RBM5: variants seen among roughly 807,000 people sequenced by gnomAD.
The protein encoded by RBM5 is RNA binding motif protein 5.
A neutral mutation model predicts 124.6 loss-of-function variants in RBM5; 15 were observed. That is an observed-to-expected ratio of 0.12 (90% CI 0.08 to 0.19). The LOEUF is 0.19. Among genes scored for constraint, RBM5 ranks in the 10% least tolerant of loss-of-function variants. The pLI is 1.00. For missense variants in RBM5, 580 were observed against 1,026.5 expected (o/e 0.57, Z 5.94); for synonymous variants, 337 against 361.2 (o/e 0.93, Z 0.76).
intron 1 of RBM5, chr3:50,089,785 T>G (rs2090670879): frequency 6.5e-6 from 1 of 153,654 alleles, no homozygotes; most frequent in Non-Finnish European, 1.4e-5. Flanking sequence ...TGTTCACTAC[T>G]CAGTGGTTTG....
chr3:50,108,142 G>A lies in RBM5; in HGVS notation c.1114G>A (p.Ala372Thr). 2 of 1,609,278 alleles carry A rather than the reference G, an allele frequency of 1.2e-6. No homozygotes were observed. Among genetic ancestry groups the A allele is most frequent in the Non-Finnish European group, 1.7e-6 (2 of 1,175,576 alleles). ...AGGTCAAGATGGCTATGCCCAATAT[G>A]CTCAGGTAGGTAGATTTTAGCAGCA... is the stretch of plus-strand genomic sequence containing the variant. ...QPGQDGYAQYAQYSQDYQQFY... is the reference protein window; with the variant it reads ...QPGQDGYAQYTQYSQDYQQFY... Residue 372 changes from alanine (A) to threonine (T), a missense_variant, in exon 13 of 25, where the codon GCT (alanine) becomes ACT (threonine). Around this residue, in one of 6 missense-constraint regions of RBM5, gnomAD observed 104 missense variants for 128.7 expected, o/e 0.81. Coordinates refer to ENST00000347869, the MANE Select transcript of RBM5 (RefSeq NM_005778.4).
Position 50,106,880 on chromosome 3 carries a change from G to T in RBM5, c.953+16G>T, listed in dbSNP as rs774576118. On this transcript the variant is annotated intron_variant, in intron 11 of 24. Coordinates refer to ENST00000347869, the MANE Select transcript of RBM5 (RefSeq NM_005778.4). ...GTGCCAGAAAGTGAGTGGCTTCATT[G>T]TCCTTATTTCAAACTACTGCATATG... 1.9e-6 allele frequency: 3 copies of T among 1,557,454 alleles called. No homozygotes were observed. Among genetic ancestry groups the T allele is most frequent in the Non-Finnish European group, 2.7e-6 (3 of 1,128,594 alleles).
In RBM5 at chr3:50,118,723, A is replaced by T; in HGVS notation, c.*267A>T. The T allele has an allele frequency of 2.1e-6, 1 of 479,560 alleles. No individual in the cohort carries two copies. The highest frequency in any genetic ancestry group is 3.7e-6 in the Non-Finnish European group (1 of 267,150). 29.7% of individuals were successfully genotyped at this position (479,560 alleles called of 1,614,324 possible). A position where few individuals can be genotyped will look rare whatever the true frequency, so the allele number is the denominator to read the frequency against. On this transcript the variant is annotated 3_prime_UTR_variant, in exon 25 of 25. Coordinates refer to ENST00000347869, the MANE Select transcript of RBM5 (RefSeq NM_005778.4). ...TTTATACTCCAGTGTACATAGTGTA[A>T]TGTAGCGTGTTTACATGTGTAGCCT...
At position 50,113,469 on chromosome 3, in the gene RBM5, C is replaced by T. The variant is rs2091185417; in HGVS notation, c.1542C>T (p.His514=). 5 of 1,614,076 alleles carry T rather than the reference C, an allele frequency of 3.1e-6. No individual in the cohort carries two copies. The highest frequency in any genetic ancestry group is 4.2e-6 in the Non-Finnish European group (5 of 1,180,008). ...TYVPAAESSS[H]QQSGLPPAKE... ...TGCCAGCTGCAGAGTCTAGCTCCCA[C>T]CAGCAGTCGGGCCTGCCTCCTGCAA... The change falls in exon 18 of 25, where the codon CAC becomes CAT. Residue 514 remains histidine (H), a synonymous_variant. Transcript: ENST00000347869.
rs565624349 is a variant in RBM5, at chr3:50,114,084, T to C, written c.1752T>C (p.Ala584=). The C allele has an allele frequency of 1.2e-6, 2 of 1,614,174 alleles. No homozygotes were observed. Among genetic ancestry groups the C allele is most frequent in the South Asian group, 1.1e-5 (1 of 91,072 alleles). Residue 584 remains alanine (A), a synonymous_variant, in exon 19 of 25, where the codon GCT becomes GCC. Transcript: ENST00000347869. ...RESAAADAGF[A]LFEKKGALAE... The stretch of plus-strand genomic sequence containing the variant: ...CTGCTGCAGCAGACGCTGGCTTTGC[T>C]CTCTTTGAGAAGAAGGTAATAGCAG...
At position 50,105,543 on chromosome 3, in the gene RBM5, C is replaced by G; in HGVS notation, c.695-6C>G. 1 of 1,612,392 alleles carries G rather than the reference C, an allele frequency of 6.2e-7. No homozygotes were observed. The highest frequency in any genetic ancestry group is 8.5e-7 in the Non-Finnish European group (1 of 1,179,022). On this transcript the variant is annotated splice_region_variant and splice_polypyrimidine_tract_variant and intron_variant, in intron 9 of 24. Transcript: ENST00000347869. ...TGTGTATGTCATTTGTCTCATTTAC[C>G]CCTAGCGATCATTCTTCGGAACATA... is the stretch of plus-strand genomic sequence containing the variant.
At position 50,104,445 on chromosome 3, in the gene RBM5, C is replaced by G. The variant is rs2090995392; in HGVS notation, c.628+137C>G. 8.7e-6 allele frequency: 7 copies of G among 800,134 alleles called. No homozygotes were observed. The South Asian group carries it at 1.1e-4, about 12-fold the overall frequency. The allele number at this position is 800,134 out of a possible 1,614,324, so 49.6% of individuals were successfully genotyped here. On this transcript the variant is annotated intron_variant, in intron 8 of 24. Transcript: ENST00000347869. ...TTGAGGACAGGAGTTCAATACCAGC[C>G]TGGCAAGAGATAGCAAGACCCTGCC...
intron 8 of RBM5, 43 bp from the exon 9 acceptor site, chr3:50,105,034 T>C: frequency 7.4e-7 from 1 of 1,355,190 alleles, no homozygotes. Flanking sequence ...TTGGTGAAAA[T>C]ACATTAGTTG....
chr3:50,094,002 G>GCTT lies in RBM5; in HGVS notation c.339+128_339+130dup, dbSNP rs936233841. 3 of 1,022,788 alleles carry GCTT rather than the reference G, an allele frequency of 2.9e-6. No individual in the cohort carries two copies. The African/African-American group carries it at 4.8e-5, about 16-fold the overall frequency. 63.4% of individuals were successfully genotyped at this position (1,022,788 alleles called of 1,614,324 possible). On this transcript the variant is annotated intron_variant, in intron 4 of 24. Coordinates refer to ENST00000347869, the MANE Select transcript of RBM5 (RefSeq NM_005778.4). ...AGGTTGAGTATCCCTTATCCAAAAT[G>GCTT]CTTGGGACCAGAACTGTTTTGATAT... is the stretch of plus-strand genomic sequence containing the variant.
At chr3:50,101,261 G>A (rs551676027) in intron 6 of RBM5, 1 of 152,276 alleles carries the variant, frequency 6.6e-6, no homozygotes, top group African/African-American at 2.4e-5. Context: ...TCTTCAGTTT[G>A]TCAAGATAAT....
At chr3:50,112,341 G>A (rs978377036) in intron 17 of RBM5, among the ~76,000 whole-genome samples, 5 of 149,364 alleles carry the variant, frequency 3.3e-5, no homozygotes, top group South Asian at 4.2e-4. Context: ...GCGTGAACCC[G>A]GGAGGTGGAG....
intron 14 of RBM5, 102 bp downstream of exon 14, chr3:50,108,406 C>T: frequency 8.3e-7 from 1 of 1,201,742 alleles, no homozygotes; most frequent in Non-Finnish European, 1.2e-6. Context: ...GTCCATTTCT[C>T]TGTAAGATTG....
intron 21 of RBM5, 128 bp downstream of exon 21, chr3:50,115,735 G>A (rs1408771819): frequency 4.0e-6 from 5 of 1,256,148 alleles, no homozygotes; most frequent in South Asian, 2.9e-5. Context: ...AGCTGTTCCC[G>A]ATGACAGTGG....
chr3:50,090,296 C>T, intron 1 of RBM5, 86 bp from the exon 2 acceptor site: 3 of 837,702 alleles, frequency 3.6e-6, no homozygotes, highest in Non-Finnish European at 5.6e-6. Flanking sequence ...TTGATGAAAT[C>T]CCAGCCTCAG....
chr3:50,103,571 G>A (rs577700334), intron 7 of RBM5, among the ~76,000 whole-genome samples: 5 of 152,202 alleles, frequency 3.3e-5, no homozygotes, highest in South Asian at 2.1e-4. Flanking sequence ...TCTTGAACAC[G>A]GGAGGCAGAG....
chr3:50,090,991 T>G (rs1256472748), intron 2 of RBM5, among the ~76,000 whole-genome samples: 1 of 152,188 alleles, frequency 6.6e-6, no homozygotes, highest in Non-Finnish European at 1.5e-5. Flanking sequence ...AGCCAAAGAA[T>G]TAGTGGAAAA....
At chr3:50,113,856 C>T in intron 18 of RBM5, 94 bp from the exon 19 acceptor site, 3 of 1,395,152 alleles carry the variant, frequency 2.2e-6, no homozygotes, top group East Asian at 2.3e-5. Flanking sequence ...GGGTTTGTTA[C>T]AGGGCATATA....
intron 4 of RBM5, chr3:50,094,081 C>A: frequency 2.1e-6 from 1 of 467,588 alleles, no homozygotes; most frequent in Non-Finnish European, 3.8e-6. Context: ...TTACATAAGT[C>A]TAAACATGAA....
rs377112362 is a variant in RBM5, at chr3:50,109,654, T to C, written c.1244T>C (p.Leu415Pro). 4 of 1,613,928 alleles carry C rather than the reference T, an allele frequency of 2.5e-6. No homozygotes were observed. Among genetic ancestry groups the C allele is most frequent in the Non-Finnish European group, 3.4e-6 (4 of 1,179,940 alleles). Residue 415 changes from leucine (L) to proline (P), a missense_variant, in exon 15 of 25, where the codon CTG becomes CCG. Coordinates refer to ENST00000347869, the MANE Select transcript of RBM5 (RefSeq NM_005778.4). ...SAAVVSQSPQ[L>P]YNQTSNPPGS... ...GCTGTAGTGTCCCAGAGTCCTCAGCTGTATAATCAAACCTCCAATCCACCT... is the reference window on the plus strand; with the variant it reads ...GCTGTAGTGTCCCAGAGTCCTCAGCCGTATAATCAAACCTCCAATCCACCT...
Sources: allele counts gnomAD v4.1 joint callset (sites outside exome capture counted in the v4.1 genomes callset), GRCh38; gene constraint gnomAD v4.1.1; regional missense constraint gnomAD v4.1.1; transcripts MANE v1.5; gene names NCBI Gene and HGNC (gene_info 2026-07-23, HGNC 2026-07-21).